Variants in PPP4R3B observed in about 807,000 individuals in gnomAD.
PPP4R3B encodes the protein serine/threonine-protein phosphatase 4 regulatory subunit 3B.
PPP4R3B carries 52 observed loss-of-function variants against 95.4 expected under a neutral mutation model. The ratio of observed to expected loss-of-function variants is 0.54; its 90% CI spans 0.44 to 0.69. The LOEUF is 0.69. Ranked by LOEUF, PPP4R3B falls within the 30% of genes least tolerant of loss-of-function variation. The pLI is 0.00. For synonymous variants in PPP4R3B, 407 were observed against 343.9 expected (o/e 1.18, Z -2.03); for missense variants, 1,003 against 1,005.9 (o/e 1.00, Z 0.04).
intron 2 of PPP4R3B, 129 bp downstream of exon 2, chr2:55,615,322 G>GAA: frequency 1.4e-6 from 1 of 738,848 alleles, no homozygotes; most frequent in Non-Finnish European, 2.2e-6. Context: ...ACCTGCAAGA[G>GAA]AAATACACAT....
At chr2:55,578,477 A>G in intron 9 of PPP4R3B, 135 bp from the exon 10 acceptor site, 1 of 907,554 alleles carries the variant, frequency 1.1e-6, no homozygotes, top group African/African-American at 1.7e-5. Flanking sequence ...CATTATTTTC[A>G]TTTATATAAA....
chr2:55,612,736 A>G (rs1436407653), intron 2 of PPP4R3B, among the ~76,000 whole-genome samples: 1 of 152,088 alleles, frequency 6.6e-6, no homozygotes, highest in Admixed American at 6.6e-5. Flanking sequence ...CGAGGTCAGG[A>G]GATCGAGACC....
intron 8 of PPP4R3B, among the ~76,000 whole-genome samples, chr2:55,581,288 C>T (rs1187437452): frequency 2.6e-5 from 4 of 152,042 alleles, no homozygotes; most frequent in African/African-American, 7.2e-5. Context: ...TTTAAGTGTA[C>T]AGTTTAGTAG....
intron 5 of PPP4R3B, among the ~76,000 whole-genome samples, chr2:55,587,342 G>C (rs1226782992): frequency 6.6e-6 from 1 of 152,192 alleles, no homozygotes. Context: ...CCAACATTTT[G>C]GGAGGCTGAG....
intron 13 of PPP4R3B, 86 bp from the exon 14 acceptor site, chr2:55,565,127 G>A: frequency 9.1e-7 from 1 of 1,099,084 alleles, no homozygotes; most frequent in Non-Finnish European, 1.2e-6. Flanking sequence ...TAGTTCTAAA[G>A]CTGATCAAAA....
rs1252415272 is a variant in PPP4R3B, at chr2:55,573,790, G to A, written c.1607-13C>T. ...GTTTGATAATTATCTACAAAAGAAA[G>A]TAATCTCATGAAAATAAATATTGAA... On this transcript the variant is annotated splice_polypyrimidine_tract_variant and intron_variant, in intron 11 of 16. Coordinates refer to ENST00000616407, the MANE Select transcript of PPP4R3B (RefSeq NM_001122964.3). 2.8e-6 allele frequency: 4 copies of A among 1,434,494 alleles called. No homozygotes were observed. In the African/African-American group the frequency reaches 4.5e-5, roughly 16 times the overall value. The allele number at this position is 1,434,494 out of a possible 1,614,324, so 88.9% of individuals were successfully genotyped here.
intron 2 of PPP4R3B, chr2:55,614,952 G>A (rs1045546260): frequency 2.0e-5 from 3 of 152,004 alleles, no homozygotes; most frequent in African/African-American, 7.3e-5. Flanking sequence ...TTACATACTT[G>A]GTAATGTACA....
intron 15 of PPP4R3B, among the ~76,000 whole-genome samples, chr2:55,560,837 C>T (rs1047402804): frequency 3.5e-5 from 5 of 144,640 alleles, no homozygotes; most frequent in Admixed American, 6.9e-5. Context: ...TTTCTAAAAG[C>T]GTATGCTCAT....
At chr2:55,594,476 G>A (rs1045271974) in intron 4 of PPP4R3B, among the ~76,000 whole-genome samples, 4 of 152,014 alleles carry the variant, frequency 2.6e-5, no homozygotes, top group Non-Finnish European at 4.4e-5. Flanking sequence ...CTTGATTTAC[G>A]TAATTATAGC....
At chr2:55,596,900 G>A (rs1387501077) in intron 4 of PPP4R3B, among the ~76,000 whole-genome samples, 1 of 152,110 alleles carries the variant, frequency 6.6e-6, no homozygotes, top group Non-Finnish European at 1.5e-5. Context: ...GAAGGTGGAG[G>A]TTGCAATGAG....
chr2:55,568,809 G>C (rs998449166), intron 12 of PPP4R3B, among the ~76,000 whole-genome samples: 1 of 152,182 alleles, frequency 6.6e-6, no homozygotes, highest in Non-Finnish European at 1.5e-5. Context: ...GTGGGCACAG[G>C]AGTGGGCAAC....
At chr2:55,551,981 A>G (rs373520942) in intron 16 of PPP4R3B, among the ~76,000 whole-genome samples, 38 of 152,352 alleles carry the variant, frequency 2.5e-4, no homozygotes, top group African/African-American at 8.7e-4. Flanking sequence ...GCAAAGTTAC[A>G]AAGTTTTAAT....
chr2:55,594,538 T>C, intron 4 of PPP4R3B, among the ~76,000 whole-genome samples: 1 of 152,268 alleles, frequency 6.6e-6, no homozygotes, highest in Middle Eastern at 3.4e-3. Flanking sequence ...GTTTTACAAA[T>C]ATTTATAGTT....
At chr2:55,597,133 G>T (rs1198072721) in intron 4 of PPP4R3B, among the ~76,000 whole-genome samples, 2 of 152,178 alleles carry the variant, frequency 1.3e-5, no homozygotes, top group African/African-American at 4.8e-5. Flanking sequence ...GAAATGGATA[G>T]TGGTAACTGC....
chr2:55,596,724 A>G (rs1458292228), intron 4 of PPP4R3B, among the ~76,000 whole-genome samples: 1 of 152,258 alleles, frequency 6.6e-6, no homozygotes, highest in East Asian at 1.9e-4. Flanking sequence ...GCACTTTGGG[A>G]GGCCAAGGCG....
At chr2:55,563,245 G>A (rs921088716) in intron 15 of PPP4R3B, among the ~76,000 whole-genome samples, 5 of 152,270 alleles carry the variant, frequency 3.3e-5, no homozygotes, top group East Asian at 1.9e-4. Flanking sequence ...AAATGAGTAC[G>A]AACAATAGTT....
In PPP4R3B at chr2:55,548,950, A is replaced by C. The variant is rs1184187514; in HGVS notation, c.*961T>G. On this transcript the variant is annotated 3_prime_UTR_variant, in exon 17 of 17. Transcript: ENST00000616407. ...CTACATGTGCTGCATGCTGACTTTGACACTTAAGTAGCTTCTTGGATCAAA... is the reference window on the plus strand; with the variant it reads ...CTACATGTGCTGCATGCTGACTTTGCCACTTAAGTAGCTTCTTGGATCAAA... 1.3e-5 allele frequency: 2 copies of C among 152,656 alleles called. No homozygotes were observed. The highest frequency in any genetic ancestry group is 4.8e-5 in the African/African-American group (2 of 41,446). The allele number at this position is 152,656 out of a possible 1,614,324, so 9.5% of individuals were successfully genotyped here.
At chr2:55,566,785 C>T (rs62165193) in intron 13 of PPP4R3B, among the ~76,000 whole-genome samples, 7,946 of 152,132 alleles carry the variant, frequency 0.052, 288 homozygotes, top group Middle Eastern at 0.095. Context: ...GGTGGGAGAA[C>T]TGGTTGAGCC....
chr2:55,617,539 C>A lies in PPP4R3B; in HGVS notation c.-254G>T. The A allele has an allele frequency of 2.5e-6, 1 of 392,790 alleles. No homozygotes were observed. Among genetic ancestry groups the A allele is most frequent in the Non-Finnish European group, 4.6e-6 (1 of 218,764 alleles). The allele number at this position is 392,790 out of a possible 1,614,324, so 24.3% of individuals were successfully genotyped here. On this transcript the variant is annotated 5_prime_UTR_variant, in exon 1 of 17. Coordinates refer to ENST00000616407, the MANE Select transcript of PPP4R3B (RefSeq NM_001122964.3). ...ACCCACTCTCCCGTCTCTTTGCCCC[C>A]CAGGGCTCGCTTGCTCTCCCGCCGC... is the stretch of plus-strand genomic sequence containing the variant.
Sources: gnomAD v4.1 joint callset for allele counts (sites outside exome capture counted in the v4.1 genomes callset) on GRCh38, gnomAD v4.1.1 for gene constraint, MANE v1.5 for transcripts, NCBI Gene and HGNC (gene_info 2026-07-23, HGNC 2026-07-21) for gene names.